Variants in ARK2C observed in about 807,000 individuals in gnomAD.
The protein encoded by ARK2C is arkadia (RNF111) C-terminal like ring finger ubiquitin ligase 2C, also known as E3 ubiquitin-protein ligase ARK2C.
At chr18:46,347,777 G>A in the ARK2C span, among the ~76,000 whole-genome samples, 1 of 152,242 alleles carries the variant, frequency 6.6e-6, no homozygotes, top group Non-Finnish European at 1.5e-5. Context: ...AAGGAAGGGG[G>A]AAACTGAGCC....
chr18:46,435,093 G>A, the ARK2C span, among the ~76,000 whole-genome samples: 1 of 152,156 alleles, frequency 6.6e-6, no homozygotes, highest in Admixed American at 6.5e-5. Context: ...CTGAGCTGCA[G>A]ATGAACAGCA....
chr18:46,370,964 C>T, the ARK2C span, among the ~76,000 whole-genome samples: 34 of 152,204 alleles, frequency 2.2e-4, no homozygotes, highest in African/African-American at 5.5e-4. Context: ...TAAAGACGTA[C>T]GCGACACTGG....
the ARK2C span, among the ~76,000 whole-genome samples, chr18:46,425,167 A>C: frequency 2.0e-5 from 3 of 152,282 alleles, no homozygotes; most frequent in East Asian, 5.8e-4. Flanking sequence ...GCACAGCGGG[A>C]AACCTGACAC....
At chr18:46,456,381 G>A in the ARK2C span, 2 of 702,212 alleles carry the variant, frequency 2.8e-6, no homozygotes, top group African/African-American at 3.5e-5. Flanking sequence ...TCCTGGCGGA[G>A]GCTTCATGGT....
At chr18:46,341,319 A>AGGGGG in the ARK2C span, among the ~76,000 whole-genome samples, 1 of 126,362 alleles carries the variant, frequency 7.9e-6, no homozygotes, top group African/African-American at 3.0e-5. Flanking sequence ...GAGGTCAGGG[A>AGGGGG]GGGGGGTGGG....
chr18:46,337,612 T>C, the ARK2C span: 1 of 984,506 alleles, frequency 1.0e-6, no homozygotes, highest in East Asian at 1.1e-4. Flanking sequence ...CTAATACTAA[T>C]ATACAATCTC....
the ARK2C span, among the ~76,000 whole-genome samples, chr18:46,353,055 A>G: frequency 6.6e-6 from 1 of 152,188 alleles, no homozygotes; most frequent in Non-Finnish European, 1.5e-5. Flanking sequence ...GCCATCCTCC[A>G]AGTTGGTGTC....
At chr18:46,341,695 ACT>A in the ARK2C span, among the ~76,000 whole-genome samples, 1 of 151,882 alleles carries the variant, frequency 6.6e-6, no homozygotes, top group Non-Finnish European at 1.5e-5. Flanking sequence ...TCCCCCCCAG[ACT>A]CTCTGTTGAT....
At chr18:46,391,820 A>G in the ARK2C span, among the ~76,000 whole-genome samples, 403 of 151,956 alleles carry the variant, frequency 2.7e-3, 3 homozygotes, top group African/African-American at 9.2e-3. Flanking sequence ...CAACACACAT[A>G]TAACACATGT....
chr18:46,450,985 A>G, the ARK2C span, among the ~76,000 whole-genome samples: 10 of 152,238 alleles, frequency 6.6e-5, no homozygotes, highest in East Asian at 1.2e-3. Context: ...AGGTGTGGCC[A>G]GGAGGGAAGA....
At chr18:46,410,941 G>A in the ARK2C span, among the ~76,000 whole-genome samples, 27,608 of 152,202 alleles carry the variant, frequency 0.18, 2,617 homozygotes, top group East Asian at 0.3. Context: ...GGGCACCAGT[G>A]TGTGTCAGGT....
the ARK2C span, among the ~76,000 whole-genome samples, chr18:46,393,034 G>A: frequency 6.6e-6 from 1 of 152,100 alleles, no homozygotes; most frequent in African/African-American, 2.4e-5. Context: ...GAAGGGCCTG[G>A]GGACTTGCTC....
the ARK2C span, among the ~76,000 whole-genome samples, chr18:46,412,095 C>A: frequency 4.1e-4 from 63 of 152,098 alleles, no homozygotes; most frequent in Middle Eastern, 3.4e-3. Context: ...CTCAGCTCAG[C>A]GGGAGACAAC....
chr18:46,368,503 C>T, the ARK2C span, among the ~76,000 whole-genome samples: 1 of 152,196 alleles, frequency 6.6e-6, no homozygotes, highest in Admixed American at 6.5e-5. Flanking sequence ...GCCCAGGTCA[C>T]CTTGATCAAA....
chr18:46,449,034 A>C, the ARK2C span, among the ~76,000 whole-genome samples: 1 of 152,176 alleles, frequency 6.6e-6, no homozygotes, highest in African/African-American at 2.4e-5. Context: ...ATAAAGAAGC[A>C]AGCATTTATT....
At chr18:46,350,523 G>A in the ARK2C span, among the ~76,000 whole-genome samples, 17 of 152,194 alleles carry the variant, frequency 1.1e-4, no homozygotes, top group Non-Finnish European at 2.1e-4. Flanking sequence ...AGCATGGTCA[G>A]GAGCGCCCCC....
the ARK2C span, among the ~76,000 whole-genome samples, chr18:46,347,483 G>C: frequency 1.3e-5 from 2 of 152,178 alleles, no homozygotes; most frequent in Non-Finnish European, 2.9e-5. Flanking sequence ...GTCGCTGCTC[G>C]AGGGAGCTGG....
chr18:46,431,520 C>A, the ARK2C span, among the ~76,000 whole-genome samples: 1 of 152,184 alleles, frequency 6.6e-6, no homozygotes, highest in Non-Finnish European at 1.5e-5. Context: ...CACCCTGGGG[C>A]TGTGGAGGGT....
At chr18:46,450,056 G>C in the ARK2C span, among the ~76,000 whole-genome samples, 2 of 152,206 alleles carry the variant, frequency 1.3e-5, no homozygotes, top group Non-Finnish European at 2.9e-5. Context: ...TAAGTGCTTA[G>C]AACAGTGCCT....
Sources: gnomAD v4.1 joint callset for allele counts (sites outside exome capture counted in the v4.1 genomes callset) on GRCh38, gnomAD v4.1.1 for gene constraint, MANE v1.5 for transcripts, NCBI Gene and HGNC (gene_info 2026-07-23, HGNC 2026-07-21) for gene names.